The following STAU2 variants were observed in gnomAD, a reference collection of about 807,000 sequenced individuals.
STAU2 encodes staufen double-stranded RNA binding protein 2, also known as double-stranded RNA-binding protein Staufen homolog 2.
A neutral mutation model predicts 65.9 loss-of-function variants in STAU2; 20 were observed. The ratio of observed to expected loss-of-function variants is 0.30; its 90% CI spans 0.21 to 0.44. The LOEUF is 0.44. Among genes scored for constraint, STAU2 ranks in the 20% least tolerant of loss-of-function variants. The pLI is 1.00. For missense variants in STAU2, 558 were observed against 683.9 expected (o/e 0.82, Z 2.05); for synonymous variants, 232 against 233.9 (o/e 0.99, Z 0.07).
chr8:73,731,063 G>T (rs1806029630), intron 3 of STAU2, among the ~76,000 whole-genome samples: 1 of 152,110 alleles, frequency 6.6e-6, no homozygotes, highest in Non-Finnish European at 1.5e-5. Flanking sequence ...ACTTTACTCT[G>T]CATAGTAGGA....
chr8:73,598,320 C>A (rs753578642), intron 10 of STAU2, among the ~76,000 whole-genome samples: 26 of 151,258 alleles, frequency 1.7e-4, no homozygotes, highest in Non-Finnish European at 3.5e-4. Context: ...CTCCACCTTC[C>A]GGGTTCACGC....
At chr8:73,648,800 C>T (rs183902955) in intron 6 of STAU2, among the ~76,000 whole-genome samples, 9 of 152,048 alleles carry the variant, frequency 5.9e-5, no homozygotes, top group East Asian at 1.9e-4. Flanking sequence ...TTTTCAAATG[C>T]GAGTTTTCTT....
intron 13 of STAU2, among the ~76,000 whole-genome samples, chr8:73,509,046 T>C (rs113408269): frequency 5.8e-4 from 89 of 152,314 alleles, no homozygotes; most frequent in African/African-American, 2.0e-3. Flanking sequence ...ATGTGGTAAA[T>C]TTACATTTAA....
chr8:73,529,495 A>T (rs1805669260), intron 13 of STAU2, among the ~76,000 whole-genome samples: 2 of 152,226 alleles, frequency 1.3e-5, no homozygotes, highest in Middle Eastern at 3.2e-3. Flanking sequence ...GACAGTAAAC[A>T]CACTTCTATG....
At chr8:73,431,182 C>T (rs970050359) in intron 13 of STAU2, among the ~76,000 whole-genome samples, 2 of 152,176 alleles carry the variant, frequency 1.3e-5, no homozygotes, top group African/African-American at 4.8e-5. Context: ...GCATCCAGAA[C>T]GCTCCATAAG....
At chr8:73,486,526 T>C (rs1183090356) in intron 13 of STAU2, among the ~76,000 whole-genome samples, 1 of 151,426 alleles carries the variant, frequency 6.6e-6, no homozygotes. Context: ...CAACTAGCTA[T>C]TAGTATAAAA....
chr8:73,540,577 A>G (rs181389545), intron 13 of STAU2, among the ~76,000 whole-genome samples: 1 of 152,362 alleles, frequency 6.6e-6, no homozygotes, highest in Admixed American at 6.5e-5. Context: ...ACAGATGTCA[A>G]GTTTACCAGT....
chr8:73,651,715 C>T, intron 6 of STAU2: 1 of 453,972 alleles, frequency 2.2e-6, no homozygotes, highest in Non-Finnish European at 4.1e-6. Flanking sequence ...CAGGAAGTGG[C>T]ATGCATACGC....
chr8:73,713,912 T>C (rs765877050), intron 3 of STAU2, among the ~76,000 whole-genome samples: 5 of 150,908 alleles, frequency 3.3e-5, no homozygotes, highest in Non-Finnish European at 7.4e-5. Context: ...TTTCTTTCCT[T>C]TTTTTTTTGA....
intron 13 of STAU2, among the ~76,000 whole-genome samples, chr8:73,488,184 TA>T: frequency 6.6e-6 from 1 of 152,212 alleles, no homozygotes; most frequent in East Asian, 1.9e-4. Context: ...ATTTTTTAAT[TA>T]CCTTAACTTG....
intron 1 of STAU2, among the ~76,000 whole-genome samples, chr8:73,745,119 A>G (rs890580123): frequency 6.6e-6 from 1 of 152,258 alleles, no homozygotes; most frequent in African/African-American, 2.4e-5. Flanking sequence ...ATATGGCAAT[A>G]GTGACTTGAC....
At chr8:73,632,573 T>C (rs896697508) in intron 6 of STAU2, among the ~76,000 whole-genome samples, 24 of 152,198 alleles carry the variant, frequency 1.6e-4, no homozygotes, top group African/African-American at 5.8e-4. Context: ...ACACTTCTTA[T>C]GAGACTTAGA....
intron 4 of STAU2, among the ~76,000 whole-genome samples, chr8:73,699,557 T>G (rs562946692): frequency 6.6e-6 from 1 of 151,864 alleles, no homozygotes; most frequent in Non-Finnish European, 1.5e-5. Context: ...GCCAAAAAAT[T>G]GAAAAATCTT....
chr8:73,628,564 A>G (rs566011867), intron 6 of STAU2, among the ~76,000 whole-genome samples: 17 of 152,302 alleles, frequency 1.1e-4, no homozygotes, highest in Non-Finnish European at 2.4e-4. Flanking sequence ...TTTGAAAACA[A>G]CTAGTGTAGA....
intron 12 of STAU2, among the ~76,000 whole-genome samples, chr8:73,559,841 T>C (rs529472439): frequency 3.9e-5 from 6 of 152,292 alleles, no homozygotes; most frequent in Admixed American, 3.9e-4. Flanking sequence ...CCTCAGACCC[T>C]TAGTTCTGCC....
At chr8:73,430,759 G>A (rs1817209159) in intron 13 of STAU2, among the ~76,000 whole-genome samples, 1 of 152,188 alleles carries the variant, frequency 6.6e-6, no homozygotes, top group Non-Finnish European at 1.5e-5. Context: ...ATATCCTCAT[G>A]TTTAAACTAC....
intron 13 of STAU2, among the ~76,000 whole-genome samples, chr8:73,444,968 C>T (rs1165803514): frequency 1.3e-5 from 2 of 152,156 alleles, no homozygotes; most frequent in East Asian, 1.9e-4. Context: ...GGCATCCTCG[C>T]ACTCTTCACC....
chr8:73,546,316 G>A (rs1276061192), intron 13 of STAU2, among the ~76,000 whole-genome samples: 4 of 151,528 alleles, frequency 2.6e-5, no homozygotes, highest in African/African-American at 9.7e-5. Flanking sequence ...TATAGTTGAG[G>A]GCAGAAATAA....
At chr8:73,487,204 G>C (rs1820962405) in intron 13 of STAU2, among the ~76,000 whole-genome samples, 2 of 152,016 alleles carry the variant, frequency 1.3e-5, no homozygotes, top group African/African-American at 4.8e-5. Flanking sequence ...GGGTCAGTTA[G>C]GAAAATGATG....
Sources: allele counts gnomAD v4.1 joint callset (sites outside exome capture counted in the v4.1 genomes callset), GRCh38; gene constraint gnomAD v4.1.1; transcripts MANE v1.5; gene names NCBI Gene and HGNC (gene_info 2026-07-23, HGNC 2026-07-21).